The following SYNPO variants were observed in gnomAD, a reference collection of about 807,000 sequenced individuals.
SYNPO encodes synaptopodin.
In SYNPO, 19 loss-of-function variants were observed where a neutral mutation model predicts 49.5. The ratio of observed to expected loss-of-function variants is 0.38; its 90% CI spans 0.27 to 0.56. The LOEUF (loss-of-function observed/expected upper bound fraction) is 0.56, where lower values mean the gene tolerates loss of function less well. SYNPO is among the 20% of genes least tolerant of loss of function. The pLI, the probability that SYNPO is intolerant of heterozygous loss-of-function variation, is 0.68. For missense variants in SYNPO, 1,131 were observed against 1,248.3 expected, an observed-to-expected ratio of 0.91 and a Z score of 1.42; for synonymous variants, 536 against 548.0, an observed-to-expected ratio of 0.98 and a Z score of 0.31.
At chr5:150,635,013 C>A (rs897886010) in intron 2 of SYNPO, among the ~76,000 whole-genome samples, 1 of 152,190 alleles carries the variant, frequency 6.6e-6, no homozygotes, top group Non-Finnish European at 1.5e-5. Flanking sequence ...TGAAACCATA[C>A]CATCGGTGCA....
At chr5:150,625,260 G>A (rs1482293909) in intron 2 of SYNPO, among the ~76,000 whole-genome samples, 1 of 152,242 alleles carries the variant, frequency 6.6e-6, no homozygotes, top group Non-Finnish European at 1.5e-5. Context: ...ACAGCCCAGA[G>A]TCTGTCTCCC....
At chr5:150,647,075 T>C (rs1400370356) in intron 1 of SYNPO, among the ~76,000 whole-genome samples, 1 of 151,820 alleles carries the variant, frequency 6.6e-6, no homozygotes, top group Admixed American at 6.6e-5. Context: ...AAACCCCATC[T>C]CTACTAAAAA....
chr5:150,648,672 A>C lies in SYNPO; in HGVS notation c.397A>C (p.Lys133Gln). Residue 133 changes from lysine (K) to glutamine (Q), a missense_variant, in exon 2 of 3, where the codon AAA becomes CAA. Lys to Gln is a moderately conservative substitution (Grantham distance 53). Coordinates refer to ENST00000307662, the MANE Select transcript of SYNPO (RefSeq NM_007286.6). The surrounding 1 kb of genome is among the most constrained non-coding windows in gnomAD (Gnocchi z 5.0). ...LPSNGTGPAS[K>Q]PSTLCADGQP... is the part of the protein sequence containing the mutation. ...ATCTAATGGCACAGGGCCTGCTTCCAAACCCAGCACCCTGTGTGCTGATGG... is the reference window on the plus strand; with the variant it reads ...ATCTAATGGCACAGGGCCTGCTTCCCAACCCAGCACCCTGTGTGCTGATGG... The C allele has an allele frequency of 6.2e-7, 1 of 1,614,158 alleles. No homozygotes were observed. The highest frequency in any genetic ancestry group is 1.3e-5 in the African/African-American group (1 of 75,058).
At chr5:150,597,656 T>C (rs1756448250), upstream of SYNPO, among the ~76,000 whole-genome samples, 1 of 151,784 alleles carries the variant, frequency 6.6e-6, no homozygotes, top group Admixed American at 6.6e-5. Flanking sequence ...TTTTTGTTTT[T>C]GAGACAGAGT....
chr5:150,609,658 C>T (rs969504197), intron 1 of SYNPO, among the ~76,000 whole-genome samples: 2 of 152,114 alleles, frequency 1.3e-5, no homozygotes, highest in African/African-American at 2.4e-5. Context: ...TTGGGAGCCC[C>T]AATGTATGCA....
upstream of SYNPO, among the ~76,000 whole-genome samples, chr5:150,598,993 G>T (rs910125388): frequency 1.3e-5 from 2 of 152,222 alleles, no homozygotes; most frequent in African/African-American, 2.4e-5. Flanking sequence ...TATTGCAAGG[G>T]TGACGACAAG....
chr5:150,586,922 G>A, the SYNPO span, among the ~76,000 whole-genome samples: 1 of 152,094 alleles, frequency 6.6e-6, no homozygotes, highest in Non-Finnish European at 1.5e-5. Flanking sequence ...ATGGAAGCAC[G>A]GTTGGATATA....
At chr5:150,597,836 C>T (rs1182218175), upstream of SYNPO, among the ~76,000 whole-genome samples, 1 of 152,112 alleles carries the variant, frequency 6.6e-6, no homozygotes, top group East Asian at 1.9e-4. Context: ...CAGGGTTTCA[C>T]CATCTTGCTC....
At chr5:150,644,868 G>A (rs1334644667) in intron 1 of SYNPO, among the ~76,000 whole-genome samples, 2 of 152,226 alleles carry the variant, frequency 1.3e-5, no homozygotes, top group Non-Finnish European at 2.9e-5. Context: ...GGGTGATCCA[G>A]GCAGGAGAAG....
chr5:150,642,314 C>T (rs542992247), intron 1 of SYNPO, among the ~76,000 whole-genome samples: 1 of 152,358 alleles, frequency 6.6e-6, no homozygotes, highest in Admixed American at 6.5e-5. Flanking sequence ...CCCTCCACCC[C>T]TTCCTCTCTT....
At position 150,640,922 on chromosome 5, in the gene SYNPO, C is replaced by A. The variant is rs888040215; in HGVS notation, c.-333+68C>A. 2.1e-5 allele frequency: 17 copies of A among 824,170 alleles called. No individual in the cohort carries two copies. The South Asian group carries it at 7.7e-4, about 38-fold the overall frequency. The allele number at this position is 824,170 out of a possible 1,614,324, so 51.1% of individuals were successfully genotyped here. On this transcript the variant is annotated intron_variant, in intron 1 of 2. Coordinates refer to ENST00000307662, the MANE Select transcript of SYNPO (RefSeq NM_007286.6). ...TATATGACTTAGGGCATGTGGCATC[C>A]CCCCTCTGATCTTAGTCTGTCCTCT...
In SYNPO at chr5:150,657,490, T is replaced by C. The variant is rs544587587; in HGVS notation, c.*403T>C. 1.1e-4 allele frequency: 22 copies of C among 196,642 alleles called. No individual in the cohort carries two copies. Among genetic ancestry groups the C allele is most frequent in the African/African-American group, 4.5e-4 (19 of 42,286 alleles). The allele number at this position is 196,642 out of a possible 1,614,324, so 12.2% of individuals were successfully genotyped here. On this transcript the variant is annotated 3_prime_UTR_variant, in exon 3 of 3. Transcript: ENST00000307662. ...CACACACACACACTAGTTAGTGCCTTGGATGAGGCGGGGCAGTGTGTATAT... is the reference window on the plus strand; with the variant it reads ...CACACACACACACTAGTTAGTGCCTCGGATGAGGCGGGGCAGTGTGTATAT...
chr5:150,621,096 G>A (rs1757158058), intron 2 of SYNPO, among the ~76,000 whole-genome samples: 1 of 151,730 alleles, frequency 6.6e-6, no homozygotes, highest in African/African-American at 2.4e-5. Context: ...GGGATTACAG[G>A]TGCCCGCCAC....
intron 2 of SYNPO, chr5:150,652,391 T>C (rs949381922): frequency 5.1e-6 from 5 of 986,220 alleles, no homozygotes; most frequent in Admixed American, 6.1e-5. Context: ...GTTCCCTTCC[T>C]CCTGCCTGAT....
At chr5:150,646,657 C>T (rs918464133) in intron 1 of SYNPO, among the ~76,000 whole-genome samples, 39 of 151,310 alleles carry the variant, frequency 2.6e-4, no homozygotes, top group African/African-American at 8.7e-4. Flanking sequence ...CCCAGGATGT[C>T]GAGGCTGCAA....
chr5:150,655,082 G>A (rs1187937159), intron 2 of SYNPO, among the ~76,000 whole-genome samples: 1 of 152,198 alleles, frequency 6.6e-6, no homozygotes, highest in Non-Finnish European at 1.5e-5. Flanking sequence ...CTGAGATTGT[G>A]CCATTGCACT....
At chr5:150,651,929 G>A (rs1758402214) in intron 2 of SYNPO, 1 of 1,000,366 alleles carries the variant, frequency 1.0e-6, no homozygotes, top group Admixed American at 6.1e-5. Context: ...GGATTCAGAT[G>A]GAAGCTTCGC....
intron 2 of SYNPO, chr5:150,624,963 T>C: frequency 1.0e-6 from 1 of 985,542 alleles, no homozygotes; most frequent in Non-Finnish European, 1.2e-6. Flanking sequence ...GCCTCGCCCC[T>C]TCCCACCTGC....
the SYNPO span, among the ~76,000 whole-genome samples, chr5:150,592,037 T>C: frequency 6.6e-6 from 1 of 152,178 alleles, no homozygotes; most frequent in African/African-American, 2.4e-5. Context: ...TGGTGGCGCA[T>C]GCCTATAATC....
Sources: gnomAD v4.1 joint callset for allele counts (sites outside exome capture counted in the v4.1 genomes callset) on GRCh38, gnomAD v4.1.1 for gene constraint, Gnocchi (gnomAD v3.1) non-coding constraint, MANE v1.5 for transcripts, NCBI Gene and HGNC (gene_info 2026-07-23, HGNC 2026-07-21) for gene names.